The following ARL15 variants were observed in gnomAD, a reference collection of about 807,000 sequenced individuals.
ARL15 encodes the protein ARF like GTPase 15.
ARL15 carries 19 observed loss-of-function variants against 25.2 expected under a neutral mutation model. The ratio of observed to expected loss-of-function variants is 0.75; its 90% CI spans 0.53 to 1.10. The LOEUF (loss-of-function observed/expected upper bound fraction) is 1.10, where lower values mean the gene tolerates loss of function less well. ARL15 is among the 50% of genes least tolerant of loss of function. ARL15 has a pLI of 0.00. For missense variants in ARL15, 220 were observed against 246.0 expected (o/e 0.89, Z 0.71); for synonymous variants, 94 against 86.8 (o/e 1.08, Z -0.46).
intron 1 of ARL15, chr5:54,310,151 G>A: frequency 2.4e-6 from 1 of 413,884 alleles, no homozygotes; most frequent in South Asian, 6.4e-5. Context: ...CAGGGGACGC[G>A]CCGCCGCGGC....
chr5:54,027,612 T>G (rs1749819315), intron 4 of ARL15, among the ~76,000 whole-genome samples: 2 of 152,178 alleles, frequency 1.3e-5, no homozygotes. Flanking sequence ...CATCATCTGG[T>G]TGAACATTTT....
At chr5:53,902,256 G>A (rs189409646) in intron 4 of ARL15, among the ~76,000 whole-genome samples, 98 of 152,286 alleles carry the variant, frequency 6.4e-4, no homozygotes, top group African/African-American at 2.1e-3. Flanking sequence ...GACAACCAGG[G>A]GAACGTGATT....
intron 1 of ARL15, among the ~76,000 whole-genome samples, chr5:54,259,733 C>A (rs575163663): frequency 8.5e-5 from 13 of 152,300 alleles, no homozygotes; most frequent in Non-Finnish European, 1.3e-4. Flanking sequence ...AATGTGCTAT[C>A]TGACAAATAG....
At chr5:54,180,960 C>T (rs1363993927) in intron 1 of ARL15, among the ~76,000 whole-genome samples, 5 of 152,086 alleles carry the variant, frequency 3.3e-5, no homozygotes, top group Non-Finnish European at 7.3e-5. Flanking sequence ...AGACCCGGGG[C>T]CCACGTGGCT....
chr5:54,128,058 T>G (rs1753316946), intron 3 of ARL15, among the ~76,000 whole-genome samples: 1 of 152,220 alleles, frequency 6.6e-6, no homozygotes, highest in Admixed American at 6.5e-5. Context: ...TATAAATTAT[T>G]CAGTCTCAGG....
intron 4 of ARL15, among the ~76,000 whole-genome samples, chr5:53,972,501 G>A (rs1747785562): frequency 6.6e-6 from 1 of 152,032 alleles, no homozygotes; most frequent in Admixed American, 6.6e-5. Flanking sequence ...CCGGGTCTTA[G>A]TACAGATATC....
intron 1 of ARL15, among the ~76,000 whole-genome samples, chr5:54,202,475 T>C (rs1241195028): frequency 1.3e-5 from 2 of 151,952 alleles, no homozygotes. Context: ...AAGGGGCCAA[T>C]AGCCAAGGAA....
At chr5:54,283,344 C>T (rs759387274) in intron 1 of ARL15, among the ~76,000 whole-genome samples, 23 of 152,152 alleles carry the variant, frequency 1.5e-4, no homozygotes, top group Non-Finnish European at 3.4e-4. Flanking sequence ...AGGCTATATG[C>T]GTGGACATTA....
intron 4 of ARL15, among the ~76,000 whole-genome samples, chr5:53,931,043 T>C (rs2112050418): frequency 6.6e-6 from 1 of 152,340 alleles, no homozygotes; most frequent in Admixed American, 6.5e-5. Context: ...AAATGGTGAT[T>C]ATAAATAAAC....
At chr5:54,168,786 C>A (rs1167505130) in intron 2 of ARL15, among the ~76,000 whole-genome samples, 1 of 152,156 alleles carries the variant, frequency 6.6e-6, no homozygotes, top group Non-Finnish European at 1.5e-5. Flanking sequence ...TTCTTTGACC[C>A]TCCAGATTAG....
At chr5:54,136,227 C>T (rs1753599488) in intron 3 of ARL15, among the ~76,000 whole-genome samples, 1 of 152,148 alleles carries the variant, frequency 6.6e-6, no homozygotes, top group African/African-American at 2.4e-5. Context: ...GACTACTTAA[C>T]TAATGGATAA....
chr5:53,948,709 T>G (rs1316805331), intron 4 of ARL15, among the ~76,000 whole-genome samples: 1 of 152,244 alleles, frequency 6.6e-6, no homozygotes. Context: ...TTAACACTTT[T>G]CATTAACCAG....
At chr5:53,982,205 A>G (rs937233512) in intron 4 of ARL15, among the ~76,000 whole-genome samples, 1 of 148,432 alleles carries the variant, frequency 6.7e-6, no homozygotes, top group African/African-American at 2.5e-5. Context: ...TTTATACTTT[A>G]AGTTCTGGGA....
chr5:53,925,248 G>A (rs1234153553), intron 4 of ARL15, among the ~76,000 whole-genome samples: 1 of 151,444 alleles, frequency 6.6e-6, no homozygotes, highest in Non-Finnish European at 1.5e-5. Context: ...CGACGCTGGA[G>A]TGCAGTGGTG....
intron 3 of ARL15, among the ~76,000 whole-genome samples, chr5:54,121,278 T>C (rs1424313550): frequency 6.6e-6 from 1 of 152,150 alleles, no homozygotes; most frequent in Non-Finnish European, 1.5e-5. Flanking sequence ...CTTTTAACTG[T>C]CTCTATGACA....
chr5:54,182,988 T>C (rs1755106743), intron 1 of ARL15, among the ~76,000 whole-genome samples: 1 of 141,152 alleles, frequency 7.1e-6, no homozygotes, highest in African/African-American at 2.6e-5. Context: ...GTGATTTTTG[T>C]ACATTGATTT....
intron 1 of ARL15, among the ~76,000 whole-genome samples, chr5:54,298,045 T>C (rs974101520): frequency 1.3e-5 from 2 of 152,166 alleles, no homozygotes; most frequent in African/African-American, 4.8e-5. Flanking sequence ...CCTCCCAAAG[T>C]GCTGGGATTA....
intron 4 of ARL15, among the ~76,000 whole-genome samples, chr5:54,020,531 C>T (rs146760567): frequency 1.6e-4 from 25 of 152,246 alleles, no homozygotes; most frequent in South Asian, 6.2e-4. Context: ...CAGTATCAGA[C>T]GACATCTACT....
At chr5:54,035,026 A>C (rs1350824958) in intron 4 of ARL15, among the ~76,000 whole-genome samples, 1 of 152,152 alleles carries the variant, frequency 6.6e-6, no homozygotes, top group Non-Finnish European at 1.5e-5. Flanking sequence ...AACAAGTCAA[A>C]ACACATGCAC....
Sources: gnomAD v4.1 joint callset for allele counts (sites outside exome capture counted in the v4.1 genomes callset) on GRCh38, gnomAD v4.1.1 for gene constraint, MANE v1.5 for transcripts, NCBI Gene and HGNC (gene_info 2026-07-23, HGNC 2026-07-21) for gene names.